Variants in CDH13 observed in about 807,000 individuals in gnomAD.
CDH13 encodes the protein cadherin 13, also known as cadherin-13.
CDH13 carries 24 observed loss-of-function variants against 63.8 expected under a neutral mutation model. The observed-to-expected ratio is 0.38, with a 90% CI of 0.27 to 0.53. The LOEUF is 0.53. CDH13 is among the 20% of genes least tolerant of loss of function. CDH13 has a pLI of 0.85. For missense variants in CDH13, 1,049 were observed against 903.1 expected (o/e 1.16, Z -2.07); for synonymous variants, 503 against 355.3 (o/e 1.42, Z -4.67).
chr16:83,800,369 C>G lies in CDH13; in HGVS notation c.*5339C>G, dbSNP rs978203753. The G allele has an allele frequency of 6.6e-6, 1 of 152,212 alleles. No individual in the cohort carries two copies. Among genetic ancestry groups the G allele is most frequent in the Non-Finnish European group, 1.5e-5 (1 of 68,030 alleles). The allele number at this position is 152,212 out of a possible 1,614,324, so 9.4% of individuals were successfully genotyped here. A position where few individuals can be genotyped will look rare whatever the true frequency, so the allele number is the denominator to read the frequency against. On this transcript the variant is annotated 3_prime_UTR_variant, in exon 14 of 14. Transcript: ENST00000567109. ...ATCTGTGTTGTCATGCACATGTCAACACTGTCCTGATGACAAAATTTTATG... is the reference window on the plus strand; with the variant it reads ...ATCTGTGTTGTCATGCACATGTCAAGACTGTCCTGATGACAAAATTTTATG...
At chr16:83,349,643 C>T (rs185728347) in intron 6 of CDH13, among the ~76,000 whole-genome samples, 1 of 151,736 alleles carries the variant, frequency 6.6e-6, no homozygotes, top group East Asian at 1.9e-4. Flanking sequence ...TCTTGTTGCC[C>T]AGGCTGGAGT....
intron 4 of CDH13, among the ~76,000 whole-genome samples, chr16:83,190,284 C>T (rs1222531034): frequency 6.6e-6 from 1 of 152,116 alleles, no homozygotes; most frequent in African/African-American, 2.4e-5. Flanking sequence ...GATTGTGGTA[C>T]AGCTGATTGT....
intron 3 of CDH13, among the ~76,000 whole-genome samples, chr16:83,123,225 T>C (rs1009176525): frequency 3.3e-5 from 5 of 151,858 alleles, no homozygotes; most frequent in African/African-American, 1.2e-4. Context: ...TATATACGTA[T>C]AGATATATTT....
At chr16:83,334,210 C>G (rs1010278038) in intron 5 of CDH13, among the ~76,000 whole-genome samples, 7 of 151,976 alleles carry the variant, frequency 4.6e-5, no homozygotes, top group Non-Finnish European at 8.8e-5. Context: ...TTGGGCCTAG[C>G]CAGATGCCAT....
chr16:83,534,362 T>C (rs2075143096), intron 7 of CDH13, among the ~76,000 whole-genome samples: 1 of 152,222 alleles, frequency 6.6e-6, no homozygotes. Flanking sequence ...TTTTTCCTTT[T>C]CCTGTTCTAC....
chr16:82,666,135 C>T (rs867508175), intron 1 of CDH13, among the ~76,000 whole-genome samples: 9 of 152,112 alleles, frequency 5.9e-5, no homozygotes, highest in Non-Finnish European at 1.3e-4. Flanking sequence ...GATCTCACGT[C>T]TGTTTTTTTG....
chr16:83,694,247 A>G (rs1349901923), intron 10 of CDH13, among the ~76,000 whole-genome samples: 2 of 152,194 alleles, frequency 1.3e-5, no homozygotes, highest in Non-Finnish European at 2.9e-5. Context: ...TGCAATGAAC[A>G]TGACCTGTGT....
intron 6 of CDH13, among the ~76,000 whole-genome samples, chr16:83,405,633 A>G (rs564444616): frequency 1.3e-5 from 2 of 152,212 alleles, no homozygotes; most frequent in Non-Finnish European, 1.5e-5. Context: ...AAGCCACCAA[A>G]TCTGTGATAA....
rs1904275899 is a variant in CDH13, at chr16:83,795,218, C to G, written c.*188C>G. ...TTCATCATTTTGACAGCATCTTCCT[C>G]CCTCCTTTAATTAATGGAATCTTCT... On this transcript the variant is annotated 3_prime_UTR_variant, in exon 14 of 14. Coordinates refer to ENST00000567109, the MANE Select transcript of CDH13 (RefSeq NM_001257.5). 1 of 542,322 alleles carries G rather than the reference C, an allele frequency of 1.8e-6. No individual in the cohort carries two copies. The highest frequency in any genetic ancestry group is 3.3e-6 in the Non-Finnish European group (1 of 305,598). 33.6% of individuals were successfully genotyped at this position (542,322 alleles called of 1,614,324 possible). A position where few individuals can be genotyped will look rare whatever the true frequency, so the allele number is the denominator to read the frequency against.
intron 1 of CDH13, among the ~76,000 whole-genome samples, chr16:82,631,388 C>A (rs1167777228): frequency 1.3e-5 from 2 of 152,196 alleles, no homozygotes; most frequent in African/African-American, 4.8e-5. Flanking sequence ...AAGGGTGACT[C>A]CTGAGCTAGG....
intron 2 of CDH13, among the ~76,000 whole-genome samples, chr16:82,958,546 G>C (rs972156777): frequency 6.6e-6 from 1 of 152,210 alleles, no homozygotes; most frequent in South Asian, 2.1e-4. Flanking sequence ...GGGGAGGAGA[G>C]GGCTTGAGAG....
chr16:82,752,354 G>T (rs1597475406), intron 1 of CDH13, among the ~76,000 whole-genome samples: 1 of 152,212 alleles, frequency 6.6e-6, no homozygotes, highest in Non-Finnish European at 1.5e-5. Context: ...CCCTGGTTCA[G>T]CTTGGGTGCA....
chr16:83,042,479 T>TGAG (rs1435475393), intron 3 of CDH13, among the ~76,000 whole-genome samples: 1 of 152,132 alleles, frequency 6.6e-6, no homozygotes, highest in Non-Finnish European at 1.5e-5. Context: ...GAAAACAAGC[T>TGAG]GAGGGCTCCC....
intron 4 of CDH13, among the ~76,000 whole-genome samples, chr16:83,151,965 GA>G: frequency 7.1e-6 from 1 of 141,522 alleles, no homozygotes; most frequent in Non-Finnish European, 1.6e-5. Context: ...AAAAGGAAAA[GA>G]AAAAAAAGAA....
At chr16:83,344,280 A>G (rs1380400014) in intron 5 of CDH13, among the ~76,000 whole-genome samples, 1 of 152,180 alleles carries the variant, frequency 6.6e-6, no homozygotes, top group Non-Finnish European at 1.5e-5. Context: ...GTAGTTCCCT[A>G]TGGAAGTGAT....
chr16:82,866,399 T>TC (rs2040144816), intron 2 of CDH13, among the ~76,000 whole-genome samples: 1 of 126,496 alleles, frequency 7.9e-6, no homozygotes, highest in Non-Finnish European at 1.7e-5. Context: ...TTTTTTTTTT[T>TC]TTTTTTTGAG....
At chr16:83,382,572 G>A (rs2091589742) in intron 6 of CDH13, among the ~76,000 whole-genome samples, 1 of 152,040 alleles carries the variant, frequency 6.6e-6, no homozygotes, top group Admixed American at 6.6e-5. Context: ...TAACCACCAT[G>A]CAAACCCACA....
At chr16:83,384,613 G>A (rs774497874) in intron 6 of CDH13, among the ~76,000 whole-genome samples, 1 of 152,196 alleles carries the variant, frequency 6.6e-6, no homozygotes, top group Non-Finnish European at 1.5e-5. Flanking sequence ...AGAGAGCCTG[G>A]TCACTCTGGC....
chr16:83,771,065 C>G (rs979243827), intron 11 of CDH13, among the ~76,000 whole-genome samples: 13 of 152,168 alleles, frequency 8.5e-5, no homozygotes, highest in African/African-American at 2.9e-4. Flanking sequence ...TGAGAAAAAA[C>G]TAGAATGTAG....
Sources: allele counts gnomAD v4.1 joint callset (sites outside exome capture counted in the v4.1 genomes callset), GRCh38; gene constraint gnomAD v4.1.1; transcripts MANE v1.5; gene names NCBI Gene and HGNC (gene_info 2026-07-23, HGNC 2026-07-21).